Variants in ETFA observed in about 807,000 individuals in gnomAD.
ETFA encodes the protein electron transfer flavoprotein subunit alpha.
Under a neutral mutation model 46.2 loss-of-function variants are expected in ETFA, and 22 were observed. The ratio of observed to expected loss-of-function variants is 0.48; its 90% confidence interval spans 0.34 to 0.68. ETFA has a LOEUF of 0.68. Among genes scored for constraint, ETFA ranks in the 30% least tolerant of loss-of-function variants. The pLI is 0.01. For synonymous variants in ETFA, 131 were observed against 139.9 expected (o/e 0.94, Z 0.45); for missense variants, 345 against 401.1 (o/e 0.86, Z 1.19).
At position 76,274,424 on chromosome 15, in the gene ETFA, T is replaced by A; in HGVS notation, c.804A>T (p.Lys268Asn). 6.2e-7 allele frequency: 1 copy of A among 1,610,112 alleles called. No individual in the cohort carries two copies. The highest frequency in any genetic ancestry group is 8.5e-7 in the Non-Finnish European group (1 of 1,177,684). ...TTGCAATACTTACTGGTGCTACTAT[T>A]TTTCCCGTCTGTCCAACTTGCATGT... The part of the protein sequence containing the change: ...PNDMQVGQTG[K>N]IVAPELYIAV... The change falls in exon 9 of 12, where the codon AAA becomes AAT. Residue 268 changes from lysine to asparagine, a missense_variant. Lys to Asn is a moderately conservative substitution (Grantham distance 94). Coordinates refer to ENST00000557943, the MANE Select transcript of ETFA (RefSeq NM_000126.4).
At chr15:76,265,178 T>C (rs1667260374) in intron 9 of ETFA, among the ~76,000 whole-genome samples, 1 of 152,208 alleles carries the variant, frequency 6.6e-6, no homozygotes, top group Non-Finnish European at 1.5e-5. Flanking sequence ...AGGGGACCCT[T>C]ACCCTCAGGA....
At chr15:76,293,323 T>C (rs1435849397) in intron 2 of ETFA, among the ~76,000 whole-genome samples, 1 of 152,224 alleles carries the variant, frequency 6.6e-6, no homozygotes, top group Non-Finnish European at 1.5e-5. Context: ...TCAAATTTTG[T>C]TATAAATTGT....
At chr15:76,305,724 C>T (rs183538841) in intron 1 of ETFA, among the ~76,000 whole-genome samples, 2 of 152,290 alleles carry the variant, frequency 1.3e-5, no homozygotes, top group East Asian at 3.9e-4. Flanking sequence ...CCTCACCTTC[C>T]ATTTTTTCAG....
intron 9 of ETFA, among the ~76,000 whole-genome samples, chr15:76,273,395 A>T (rs1423987314): frequency 1.3e-5 from 2 of 152,024 alleles, no homozygotes; most frequent in African/African-American, 2.4e-5. Flanking sequence ...CTCTACTAAA[A>T]ATACAAAAAA....
intron 8 of ETFA, among the ~76,000 whole-genome samples, chr15:76,282,777 T>C (rs1410929953): frequency 2.6e-5 from 4 of 152,200 alleles, no homozygotes; most frequent in South Asian, 4.1e-4. Flanking sequence ...TTTTAATATA[T>C]ATTCATTGTA....
At chr15:76,261,398 T>G in intron 9 of ETFA, 1 of 1,307,310 alleles carries the variant, frequency 7.6e-7, no homozygotes, top group Non-Finnish European at 1.1e-6. Context: ...GACTTCAGGC[T>G]GAGGAAGCCG....
At chr15:76,225,433 C>A (rs1415851732) in intron 11 of ETFA, among the ~76,000 whole-genome samples, 2 of 151,962 alleles carry the variant, frequency 1.3e-5, no homozygotes, top group African/African-American at 4.8e-5. Flanking sequence ...GGACTACAGG[C>A]GCCTGCCACC....
rs1466177554 is a variant in ETFA at position 76,246,053 on chromosome 15, T to G, written c.817-14655A>C. Among the ~76,000 whole-genome samples the G allele has an allele frequency of 2.6e-5, 4 of 152,270 alleles. No homozygotes were observed. The East Asian group carries it at 7.7e-4, about 29-fold the overall frequency. On this transcript the variant is annotated intron_variant, in intron 9 of 11. Transcript: ENST00000557943. ...CAAAACAAAATAAAACAAAATCTCT[T>G]AGAAAACAAGGATTTATGACAGTAC... is the stretch of plus-strand genomic sequence containing the variant.
chr15:76,285,820 G>A (rs771473774), intron 6 of ETFA, 82 bp from the exon 7 acceptor site: 19 of 914,892 alleles, frequency 2.1e-5, no homozygotes, highest in South Asian at 4.0e-5. Context: ...AAACACACAA[G>A]TATATAATTC....
chr15:76,269,009 T>C (rs891483223), intron 9 of ETFA, among the ~76,000 whole-genome samples: 3 of 152,204 alleles, frequency 2.0e-5, no homozygotes, highest in Non-Finnish European at 4.4e-5. Context: ...TCCCTACAAC[T>C]GGTATTTTCA....
intron 9 of ETFA, among the ~76,000 whole-genome samples, chr15:76,255,201 TTA>T (rs1371323965): frequency 6.6e-6 from 1 of 152,216 alleles, no homozygotes; most frequent in Non-Finnish European, 1.5e-5. Context: ...TATGAAAAAG[TTA>T]TCTTTCTCTT....
At position 76,300,548 on chromosome 15, in the gene ETFA, CCA is replaced by C. The variant is rs367550233; in HGVS notation, c.40-4813_40-4812del. Reference sequence around the variant, plus strand: ...GCCATTATCCTTCTCCTCTATTACCCCACAGAGTCTCCCAACCCAGCTTGTTT... The same window carrying C: ...GCCATTATCCTTCTCCTCTATTACCCCAGAGTCTCCCAACCCAGCTTGTTT... On this transcript the variant is annotated intron_variant, in intron 1 of 11. Coordinates refer to ENST00000557943, the MANE Select transcript of ETFA (RefSeq NM_000126.4). Among the ~76,000 whole-genome samples, 433 of 152,314 alleles carry C rather than the reference CCA, an allele frequency of 2.8e-3. 2 individuals carry two copies. The highest frequency in any genetic ancestry group is 9.8e-3 in the African/African-American group (409 of 41,550).
chr15:76,280,523 A>C (rs901456212), intron 8 of ETFA, among the ~76,000 whole-genome samples: 8 of 152,156 alleles, frequency 5.3e-5, no homozygotes, highest in African/African-American at 1.7e-4. Context: ...ATAGCCTGCT[A>C]ATTGATCTCC....
At chr15:76,239,514 G>A (rs916915420) in intron 9 of ETFA, among the ~76,000 whole-genome samples, 2 of 151,890 alleles carry the variant, frequency 1.3e-5, no homozygotes, top group African/African-American at 4.8e-5. Flanking sequence ...AACAAATTTT[G>A]TATCCTTTGA....
intron 11 of ETFA, among the ~76,000 whole-genome samples, chr15:76,223,216 C>CT (rs3065601): frequency 0.28 from 33,965 of 121,930 alleles, 5,933 homozygotes; most frequent in East Asian, 0.58. Context: ...TACTTCAGAA[C>CT]TTTTTTTTTT....
chr15:76,266,117 A>G (rs575890332), intron 9 of ETFA, among the ~76,000 whole-genome samples: 1 of 152,358 alleles, frequency 6.6e-6, no homozygotes, highest in African/African-American at 2.4e-5. Context: ...ATGCTAACAG[A>G]TTTGAGGGCT....
chr15:76,225,839 G>T lies in ETFA; in HGVS notation c.963+10C>A. 1 of 1,565,730 alleles carries T rather than the reference G, an allele frequency of 6.4e-7. No individual in the cohort carries two copies. Among genetic ancestry groups the T allele is most frequent in the South Asian group, 1.1e-5 (1 of 90,032 alleles). On this transcript the variant is annotated intron_variant, in intron 11 of 11. Transcript: ENST00000557943. ...CTAGATAATAGCAATTTCTCTCAAG[G>T]CCAGCTTACCTTAAATAAATCTGCA...
At chr15:76,244,880 G>C (rs753202344) in intron 9 of ETFA, among the ~76,000 whole-genome samples, 7 of 151,992 alleles carry the variant, frequency 4.6e-5, no homozygotes, top group South Asian at 2.1e-4. Flanking sequence ...TATGTAAAAA[G>C]GAATTCAACA....
intron 9 of ETFA, among the ~76,000 whole-genome samples, chr15:76,271,548 T>C (rs989212769): frequency 2.0e-5 from 3 of 152,238 alleles, no homozygotes; most frequent in African/African-American, 7.2e-5. Context: ...ACATGACAGT[T>C]AAAATGTAAT....
Sources: allele counts gnomAD v4.1 joint callset (sites outside exome capture counted in the v4.1 genomes callset), GRCh38; gene constraint gnomAD v4.1.1; transcripts MANE v1.5; gene names NCBI Gene and HGNC (gene_info 2026-07-23, HGNC 2026-07-21).